The following TCN2 variants were observed in gnomAD, a reference collection of about 807,000 sequenced individuals.
TCN2 encodes the protein transcobalamin 2.
In TCN2, 34 loss-of-function variants were observed where a neutral mutation model predicts 48.6. The ratio of observed to expected loss-of-function variants is 0.70; its 90% CI spans 0.53 to 0.93. The LOEUF is 0.93. Ranked by LOEUF, TCN2 falls within the 40% of genes least tolerant of loss-of-function variation. The pLI is 0.00. For synonymous variants in TCN2, 283 were observed against 212.5 expected (o/e 1.33, Z -2.89); for missense variants, 652 against 526.1 (o/e 1.24, Z -2.34).
intron 8 of TCN2, among the ~76,000 whole-genome samples, chr22:30,623,699 AATAT>A (rs67554337): frequency 1.6e-4 from 18 of 115,756 alleles, no homozygotes; most frequent in Middle Eastern, 4.8e-3. Flanking sequence ...ATATATATGA[AATAT>A]ATATATATAC....
At chr22:30,617,719 C>G (rs1027651490) in intron 7 of TCN2, 3 of 591,478 alleles carry the variant, frequency 5.1e-6, no homozygotes, top group Non-Finnish European at 8.9e-6. Flanking sequence ...CAGAGCCCCC[C>G]AGTTGGAATC....
chr22:30,616,598 T>C (rs1256176405), intron 6 of TCN2, among the ~76,000 whole-genome samples: 5 of 151,652 alleles, frequency 3.3e-5, no homozygotes, highest in Non-Finnish European at 7.4e-5. Flanking sequence ...CCCAGGAGTT[T>C]GAGACCAGCC....
intron 7 of TCN2, among the ~76,000 whole-genome samples, chr22:30,619,995 A>G (rs1377017552): frequency 1.3e-5 from 2 of 152,130 alleles, no homozygotes; most frequent in African/African-American, 2.4e-5. Context: ...TCTCTTCAAA[A>G]AAATTTTTTT....
At chr22:30,618,984 G>C (rs1207311739) in intron 7 of TCN2, among the ~76,000 whole-genome samples, 3 of 152,026 alleles carry the variant, frequency 2.0e-5, no homozygotes, top group Admixed American at 1.3e-4. Flanking sequence ...TGGCCAGGCT[G>C]GTCTTGAGCT....
At chr22:30,609,550 G>C (rs944734948) in intron 1 of TCN2, among the ~76,000 whole-genome samples, 1 of 150,728 alleles carries the variant, frequency 6.6e-6, no homozygotes, top group South Asian at 2.1e-4. Context: ...GAACTCCCTT[G>C]CGCGTTTCAA....
In TCN2 at chr22:30,617,411, C is replaced by T. The variant is rs1017195499; in HGVS notation, c.1022C>T (p.Pro341Leu). The T allele has an allele frequency of 1.9e-5, 31 of 1,613,940 alleles. No individual in the cohort carries two copies. Among genetic ancestry groups the T allele is most frequent in the African/African-American group, 4.0e-5 (3 of 74,866 alleles). The change falls in exon 7 of 9, where the codon CCG becomes CTG. Residue 341 changes from proline (P) to leucine (L), a missense_variant. By Grantham distance (98) the Pro-to-Leu change is moderately conservative. Coordinates refer to ENST00000215838, the MANE Select transcript of TCN2 (RefSeq NM_000355.4). Reference protein sequence around the residue: ...SVTLQVLSLLPPYRQSISVLA... With the variant: ...SVTLQVLSLLLPYRQSISVLA... ...ACGCTGCAGGTGCTTAGTCTCTTGC[C>T]GCCGTACAGACAGTCCATCTCTGTT...
chr22:30,621,182 A>T (rs1020500426), intron 7 of TCN2, among the ~76,000 whole-genome samples: 1 of 152,064 alleles, frequency 6.6e-6, no homozygotes, highest in Non-Finnish European at 1.5e-5. Flanking sequence ...TAGTAGAAAT[A>T]GGGTTTCACC....
chr22:30,617,532 C>T lies in TCN2; in HGVS notation c.1106+37C>T, dbSNP rs745594391. On this transcript the variant is annotated intron_variant, in intron 7 of 8. Transcript: ENST00000215838. ...ACCTCCCAGTCCTCACCCCACCCAA[C>T]CTCACATGCCTGATAACAGGGTCAC... 1.2e-5 allele frequency: 19 copies of T among 1,613,554 alleles called. No individual in the cohort carries two copies. The South Asian group carries it at 1.9e-4, about 16-fold the overall frequency.
Position 30,617,661 on chromosome 22 carries a change from C to T in TCN2, c.1106+166C>T, listed in dbSNP as rs1216324809. On this transcript the variant is annotated intron_variant, in intron 7 of 8. Transcript: ENST00000215838. Reference sequence around the variant, plus strand: ...TTTCTTGCCCACGGTGTTATGGAAACAGGGAGCCATAGGCCAGCATTGTCA... The same window carrying T: ...TTTCTTGCCCACGGTGTTATGGAAATAGGGAGCCATAGGCCAGCATTGTCA... 6 of 945,628 alleles carry T rather than the reference C, an allele frequency of 6.3e-6. No individual in the cohort carries two copies. The African/African-American group carries it at 8.1e-5, about 13-fold the overall frequency. 58.6% of individuals were successfully genotyped at this position (945,628 alleles called of 1,614,324 possible).
rs1383593821 is a variant in TCN2, at chr22:30,611,207, C to G, written c.257+144C>G. 4.0e-6 allele frequency: 4 copies of G among 989,786 alleles called. No homozygotes were observed. In the East Asian group the frequency reaches 1.0e-4, roughly 25 times the overall value. 61.3% of individuals were successfully genotyped at this position (989,786 alleles called of 1,614,324 possible). Reference sequence around the variant, plus strand: ...TATAGAATGGAGGACCTTTGTCCATCTATAGAATGAAGGGGTTGGTTGGAT... The same window carrying G: ...TATAGAATGGAGGACCTTTGTCCATGTATAGAATGAAGGGGTTGGTTGGAT... On this transcript the variant is annotated intron_variant, in intron 2 of 8. Transcript: ENST00000215838.
intron 1 of TCN2, among the ~76,000 whole-genome samples, chr22:30,608,189 T>C (rs528711859): frequency 6.6e-6 from 1 of 152,272 alleles, no homozygotes; most frequent in East Asian, 1.9e-4. Context: ...CCTCTGCACC[T>C]AGGATTACGT....
chr22:30,618,664 G>A (rs538474593), intron 7 of TCN2, among the ~76,000 whole-genome samples: 1 of 151,530 alleles, frequency 6.6e-6, no homozygotes, highest in African/African-American at 2.4e-5. Flanking sequence ...TATTTATTTA[G>A]GCAAGGTCTC....
chr22:30,620,143 CTTTTTT>C (rs35127123), intron 7 of TCN2, among the ~76,000 whole-genome samples: 1 of 144,934 alleles, frequency 6.9e-6, no homozygotes, highest in African/African-American at 2.5e-5. Flanking sequence ...GATGACAAAA[CTTTTTT>C]TTTTTTTTTA....
chr22:30,620,709 C>T (rs1275337630), intron 7 of TCN2, among the ~76,000 whole-genome samples: 2 of 152,196 alleles, frequency 1.3e-5, no homozygotes, highest in African/African-American at 4.8e-5. Flanking sequence ...TTATTCAGAG[C>T]TCGGGGATCT....
chr22:30,615,906 G>T lies in TCN2; in HGVS notation c.940+119G>T, dbSNP rs906028444. 61 of 1,269,974 alleles carry T rather than the reference G, an allele frequency of 4.8e-5. No homozygotes were observed. In the Middle Eastern group the frequency reaches 3.5e-3, roughly 72 times the overall value. The allele number at this position is 1,269,974 out of a possible 1,614,324, so 78.7% of individuals were successfully genotyped here. A position where few individuals can be genotyped will look rare whatever the true frequency, so the allele number is the denominator to read the frequency against. ...TGAGTCAGCACAAGATTGTGGGTGTGCATGGGACACAGCAGCCAAAATGTG... is the reference window on the plus strand; with the variant it reads ...TGAGTCAGCACAAGATTGTGGGTGTTCATGGGACACAGCAGCCAAAATGTG... On this transcript the variant is annotated intron_variant, in intron 6 of 8. Transcript: ENST00000215838.
chr22:30,617,617 C>A, intron 7 of TCN2, 122 bp downstream of exon 7: 2 of 1,295,940 alleles, frequency 1.5e-6, no homozygotes. Context: ...CCTGCTTCTG[C>A]TTCTACCTGC....
chr22:30,612,254 A>AT (rs1386108906), intron 2 of TCN2, among the ~76,000 whole-genome samples: 8 of 150,938 alleles, frequency 5.3e-5, no homozygotes, highest in African/African-American at 1.9e-4. Context: ...GTAAAAAAAA[A>AT]AAATAAAAAT....
In TCN2 at chr22:30,607,417, T is replaced by TG. The variant is rs1236269920; in HGVS notation, c.64+23dup. 3.7e-6 allele frequency: 6 copies of TG among 1,613,716 alleles called. No individual in the cohort carries two copies. In the Admixed American group the frequency reaches 5.0e-5, roughly 13 times the overall value. ...TGTGGTGAGTAACTCGCCTCTATCC[T>TG]GTGCCTCTTTCCTCCTGGGTCCTTA... On this transcript the variant is annotated intron_variant, in intron 1 of 8. Transcript: ENST00000215838.
At chr22:30,617,284 C>G (rs377192016) in intron 6 of TCN2, 46 bp from the exon 7 acceptor site, 7 of 1,612,748 alleles carry the variant, frequency 4.3e-6, no homozygotes, top group Non-Finnish European at 5.1e-6. Flanking sequence ...ATAATCCAGG[C>G]TCTCTGTCCT....
Sources: allele counts gnomAD v4.1 joint callset (sites outside exome capture counted in the v4.1 genomes callset), GRCh38; gene constraint gnomAD v4.1.1; transcripts MANE v1.5; gene names NCBI Gene and HGNC (gene_info 2026-07-23, HGNC 2026-07-21).